CTNNA3: variants seen among roughly 807,000 people sequenced by gnomAD.
CTNNA3 encodes catenin alpha-3.
Under a neutral mutation model 95.7 loss-of-function variants are expected in CTNNA3, and 76 were observed. The observed-to-expected ratio is 0.79, with a 90% confidence interval of 0.66 to 0.96. CTNNA3 has a LOEUF of 0.96. CTNNA3 is among the 40% of genes least tolerant of loss of function. The probability of loss-of-function intolerance (pLI) is 0.00; values close to 1 mark genes in which losing one functional copy is unlikely to be tolerated. For missense variants in CTNNA3, 1,191 were observed against 1,089.8 expected, an observed-to-expected ratio of 1.09 and a Z score of -1.31; for synonymous variants, 431 against 374.4, an observed-to-expected ratio of 1.15 and a Z score of -1.74.
chr10:66,080,027 C>T (rs1175589130), intron 14 of CTNNA3, among the ~76,000 whole-genome samples: 1 of 151,958 alleles, frequency 6.6e-6, no homozygotes, highest in Non-Finnish European at 1.5e-5. Context: ...ATTCATGATT[C>T]GGATCGCTTG....
At chr10:67,404,517 GA>G (rs1424866364) in intron 5 of CTNNA3, among the ~76,000 whole-genome samples, 2 of 151,922 alleles carry the variant, frequency 1.3e-5, no homozygotes, top group African/African-American at 2.4e-5. Context: ...GAAAAACAAT[GA>G]AAAGGAATAA....
intron 12 of CTNNA3, among the ~76,000 whole-genome samples, chr10:66,363,003 T>G (rs1254231398): frequency 2.0e-5 from 3 of 152,192 alleles, no homozygotes; most frequent in African/African-American, 7.2e-5. Context: ...TTAGATCAGA[T>G]GACTTAGTCT....
At chr10:67,332,082 A>C (rs1383700719) in intron 5 of CTNNA3, among the ~76,000 whole-genome samples, 3 of 152,208 alleles carry the variant, frequency 2.0e-5, no homozygotes, top group Non-Finnish European at 2.9e-5. Flanking sequence ...AATCTGTGTG[A>C]TTAAGTCTAG....
intron 13 of CTNNA3, among the ~76,000 whole-genome samples, chr10:66,149,898 G>T (rs1160306073): frequency 1.3e-5 from 2 of 151,972 alleles, no homozygotes; most frequent in African/African-American, 2.4e-5. Context: ...ATTTGTAATG[G>T]TAAATATTCT....
intron 5 of CTNNA3, among the ~76,000 whole-genome samples, chr10:67,390,230 C>A (rs1391470483): frequency 6.6e-6 from 1 of 152,156 alleles, no homozygotes; most frequent in Non-Finnish European, 1.5e-5. Flanking sequence ...GATATCACCA[C>A]CGATCCCACA....
intron 11 of CTNNA3, among the ~76,000 whole-genome samples, chr10:66,414,252 G>A (rs1483434700): frequency 3.3e-5 from 5 of 152,090 alleles, no homozygotes; most frequent in Non-Finnish European, 7.4e-5. Flanking sequence ...TTTTGTACTT[G>A]CTTTCTCCAC....
chr10:66,566,695 A>G (rs1014404802), intron 10 of CTNNA3, among the ~76,000 whole-genome samples: 3 of 152,024 alleles, frequency 2.0e-5, no homozygotes, highest in African/African-American at 7.2e-5. Flanking sequence ...AACCCCTGCT[A>G]CTAGGTTCCT....
chr10:66,186,921 C>T (rs968815415), intron 13 of CTNNA3, among the ~76,000 whole-genome samples: 1 of 152,030 alleles, frequency 6.6e-6, no homozygotes, highest in East Asian at 1.9e-4. Context: ...GAAAAATAAT[C>T]GCTGAATCTT....
chr10:66,308,529 T>C (rs12785119), intron 12 of CTNNA3, among the ~76,000 whole-genome samples: 42,646 of 151,876 alleles, frequency 0.28, 6,741 homozygotes, highest in East Asian at 0.51. Flanking sequence ...CTGAAAAAGA[T>C]AGCAATTTAT....
At chr10:66,708,668 T>C (rs1848196792) in intron 9 of CTNNA3, among the ~76,000 whole-genome samples, 1 of 152,186 alleles carries the variant, frequency 6.6e-6, no homozygotes, top group African/African-American at 2.4e-5. Flanking sequence ...TCAGGAAAGA[T>C]ATAGCTCTCT....
At chr10:66,113,349 T>A (rs961144299) in intron 13 of CTNNA3, among the ~76,000 whole-genome samples, 7 of 152,212 alleles carry the variant, frequency 4.6e-5, no homozygotes, top group Non-Finnish European at 1.0e-4. Context: ...TTGTTTGAAT[T>A]AAGCTCTACG....
At chr10:67,648,483 C>A (rs1016816604) in intron 1 of CTNNA3, among the ~76,000 whole-genome samples, 1 of 152,118 alleles carries the variant, frequency 6.6e-6, no homozygotes, top group South Asian at 2.1e-4. Context: ...TGCCCAGGGC[C>A]CCATTTGCCC....
intron 5 of CTNNA3, among the ~76,000 whole-genome samples, chr10:67,380,001 A>G (rs1404714778): frequency 1.5e-5 from 2 of 133,962 alleles, no homozygotes; most frequent in Non-Finnish European, 3.1e-5. Context: ...AGCCTGGGCG[A>G]CAGAGTGAGA....
rs536486922 is a variant in CTNNA3, at chr10:65,990,433, G to A, written c.2160-1636C>T. ...TTTAATAATAGTCATTCTAACTGGG[G>A]TAAAATGATATATTATTGTAGTTTT... On this transcript the variant is annotated intron_variant, in intron 15 of 17. Coordinates refer to ENST00000433211, the MANE Select transcript of CTNNA3 (RefSeq NM_013266.4). Among the ~76,000 whole-genome samples the A allele has an allele frequency of 8.6e-4, 129 of 150,182 alleles. 1 individual carries two copies. Among genetic ancestry groups the A allele is most frequent in the African/African-American group, 3.0e-3 (122 of 41,054 alleles).
At chr10:67,722,027 T>C (rs79699741) in intron 1 of CTNNA3, among the ~76,000 whole-genome samples, 4,503 of 152,216 alleles carry the variant, frequency 0.03, 226 homozygotes, top group African/African-American at 0.1. Context: ...ACCTTCTATG[T>C]TGGTCTTGCC....
intron 10 of CTNNA3, among the ~76,000 whole-genome samples, chr10:66,601,799 T>G (rs952671473): frequency 4.6e-5 from 7 of 151,888 alleles, no homozygotes; most frequent in African/African-American, 1.7e-4. Flanking sequence ...CATGCTTAAG[T>G]CTGTTTCATT....
At chr10:66,087,672 A>T (rs915684094) in intron 14 of CTNNA3, among the ~76,000 whole-genome samples, 1 of 152,142 alleles carries the variant, frequency 6.6e-6, no homozygotes, top group Non-Finnish European at 1.5e-5. Context: ...GTCATTTTTA[A>T]CAATAATCAT....
chr10:66,873,895 C>T (rs944682089), intron 7 of CTNNA3, among the ~76,000 whole-genome samples: 2 of 152,106 alleles, frequency 1.3e-5, no homozygotes, highest in Non-Finnish European at 2.9e-5. Flanking sequence ...CTTCTCTTCT[C>T]AGGGGCTTCT....
At chr10:65,926,476 A>AC (rs2077170217) in intron 17 of CTNNA3, among the ~76,000 whole-genome samples, 1 of 139,742 alleles carries the variant, frequency 7.2e-6, no homozygotes, top group African/African-American at 2.6e-5. Context: ...GAGTGTTCCA[A>AC]TTTTTTTTTT....
Sources: allele counts gnomAD v4.1 joint callset (sites outside exome capture counted in the v4.1 genomes callset), GRCh38; gene constraint gnomAD v4.1.1; transcripts MANE v1.5; gene names NCBI Gene and HGNC (gene_info 2026-07-23, HGNC 2026-07-21).